Variants in MAF observed in about 807,000 individuals in gnomAD.
MAF encodes MAF bZIP transcription factor, also known as transcription factor Maf.
A neutral mutation model predicts 22.0 loss-of-function variants in MAF; 10 were observed. That is an observed-to-expected ratio of 0.45 (90% CI 0.28 to 0.77). The LOEUF (loss-of-function observed/expected upper bound fraction) is 0.77, where lower values mean the gene tolerates loss of function less well. Ranked by LOEUF, MAF falls within the 30% of genes least tolerant of loss-of-function variation. The pLI is 0.12. For synonymous variants in MAF, 337 were observed against 255.8 expected (o/e 1.32, Z -3.03); for missense variants, 544 against 548.4 (o/e 0.99, Z 0.08).
At chr16:79,480,749 C>T in the MAF span, among the ~76,000 whole-genome samples, 1 of 152,104 alleles carries the variant, frequency 6.6e-6, no homozygotes, top group East Asian at 1.9e-4. Flanking sequence ...TATGTCCCAG[C>T]AAAAGACAGA....
rs981356795 is a variant in MAF, at chr16:79,599,285, C to G, written c.618G>C (p.Ala206=). 3 of 979,142 alleles carry G rather than the reference C, an allele frequency of 3.1e-6. No homozygotes were observed. In the African/African-American group the frequency reaches 5.3e-5, roughly 17 times the overall value. The allele number at this position is 979,142 out of a possible 1,614,324, so 60.7% of individuals were successfully genotyped here. The change falls in exon 1 of 2, where the codon GCG becomes GCC. Residue 206 remains alanine (A), a synonymous_variant. Transcript: ENST00000326043. ...TAGAPGAAGS[A]AASAGGAGGA... Reference sequence around the variant, plus strand: ...CCCCAGCGCCACCGGCCGAGGCGGCCGCGCTGCCCGCGGCGCCGGGCGCGC... The same window carrying G: ...CCCCAGCGCCACCGGCCGAGGCGGCGGCGCTGCCCGCGGCGCCGGGCGCGC...
chr16:79,580,919 G>A (rs576459538), downstream of MAF, among the ~76,000 whole-genome samples: 1 of 152,138 alleles, frequency 6.6e-6, no homozygotes, highest in Admixed American at 6.5e-5. Context: ...CTTCAAGTAT[G>A]TGCTACCCAC....
At chr16:79,529,590 A>C in the MAF span, among the ~76,000 whole-genome samples, 1 of 152,176 alleles carries the variant, frequency 6.6e-6, no homozygotes, top group African/African-American at 2.4e-5. Flanking sequence ...CAATTTATGG[A>C]TACGTGTCAG....
the MAF span, among the ~76,000 whole-genome samples, chr16:79,450,018 T>G: frequency 6.6e-6 from 1 of 152,242 alleles, no homozygotes; most frequent in Non-Finnish European, 1.5e-5. Context: ...TGCTGCTCTT[T>G]TAGGCAATTC....
the MAF span, among the ~76,000 whole-genome samples, chr16:79,264,067 A>G: frequency 1.3e-5 from 2 of 152,212 alleles, no homozygotes; most frequent in Non-Finnish European, 2.9e-5. Flanking sequence ...AGAAGACTCC[A>G]GGGGAATGGA....
At chr16:79,559,399 T>C in the MAF span, among the ~76,000 whole-genome samples, 2 of 152,112 alleles carry the variant, frequency 1.3e-5, no homozygotes, top group African/African-American at 4.8e-5. Flanking sequence ...TGACAACTGG[T>C]GAAAAATAAA....
chr16:79,304,851 T>C, the MAF span, among the ~76,000 whole-genome samples: 2 of 152,214 alleles, frequency 1.3e-5, no homozygotes, highest in Non-Finnish European at 2.9e-5. Context: ...TGTTTTATCA[T>C]TTCTTTCCAT....
At chr16:79,323,320 G>A in the MAF span, among the ~76,000 whole-genome samples, 1 of 151,862 alleles carries the variant, frequency 6.6e-6, no homozygotes, top group African/African-American at 2.4e-5. Flanking sequence ...GTGTCCCAGG[G>A]GAGAAAAGAG....
At chr16:79,373,425 C>T in the MAF span, among the ~76,000 whole-genome samples, 1 of 114,598 alleles carries the variant, frequency 8.7e-6, no homozygotes, top group Non-Finnish European at 1.6e-5. Context: ...CTCTGTCTCC[C>T]AGGCTGGAGT....
chr16:79,337,296 G>T, the MAF span, among the ~76,000 whole-genome samples: 1 of 152,192 alleles, frequency 6.6e-6, no homozygotes, highest in Non-Finnish European at 1.5e-5. Flanking sequence ...CAGCAGTCAG[G>T]CATGGTGGCT....
At chr16:79,273,757 T>C in the MAF span, among the ~76,000 whole-genome samples, 143 of 152,302 alleles carry the variant, frequency 9.4e-4, no homozygotes, top group Middle Eastern at 6.8e-3. Flanking sequence ...GGTATTGTCC[T>C]TATTTTAACG....
chr16:79,224,821 C>T, the MAF span, among the ~76,000 whole-genome samples: 1 of 152,174 alleles, frequency 6.6e-6, no homozygotes, highest in South Asian at 2.1e-4. Flanking sequence ...TGAAAGACCT[C>T]TTCAAGGAGA....
chr16:79,559,317 T>C, the MAF span, among the ~76,000 whole-genome samples: 7 of 152,304 alleles, frequency 4.6e-5, no homozygotes, highest in South Asian at 1.0e-3. Flanking sequence ...ATCACCCACA[T>C]TGCAAGAACG....
At chr16:79,530,261 C>A in the MAF span, among the ~76,000 whole-genome samples, 1 of 152,160 alleles carries the variant, frequency 6.6e-6, no homozygotes, top group African/African-American at 2.4e-5. Context: ...ACACAACAGA[C>A]TACTGGGTTT....
the MAF span, among the ~76,000 whole-genome samples, chr16:79,454,918 G>A: frequency 6.6e-6 from 1 of 152,112 alleles, no homozygotes; most frequent in South Asian, 2.1e-4. Flanking sequence ...CCAACATGGA[G>A]AAACCCCATC....
the MAF span, chr16:79,516,202 C>A: frequency 1.3e-5 from 2 of 152,170 alleles, no homozygotes; most frequent in South Asian, 2.1e-4. Flanking sequence ...TCACAGAAAA[C>A]AGATGTCCAC....
At chr16:79,294,742 T>C in the MAF span, among the ~76,000 whole-genome samples, 2 of 152,220 alleles carry the variant, frequency 1.3e-5, no homozygotes, top group African/African-American at 2.4e-5. Flanking sequence ...CAGGTTTATC[T>C]AGTTCCAAAG....
the MAF span, among the ~76,000 whole-genome samples, chr16:79,302,000 G>A: frequency 6.6e-6 from 1 of 152,238 alleles, no homozygotes; most frequent in African/African-American, 2.4e-5. Flanking sequence ...TAACCACTGA[G>A]ATCACCGCCT....
chr16:79,333,795 T>C, the MAF span, among the ~76,000 whole-genome samples: 7 of 150,634 alleles, frequency 4.6e-5, no homozygotes, highest in African/African-American at 1.5e-4. Context: ...TATCTGATGC[T>C]GGATCCCAGC....
Sources: gnomAD v4.1 joint callset for allele counts (sites outside exome capture counted in the v4.1 genomes callset) on GRCh38, gnomAD v4.1.1 for gene constraint, MANE v1.5 for transcripts, NCBI Gene and HGNC (gene_info 2026-07-23, HGNC 2026-07-21) for gene names.